The following SPOCK1 variants were observed in gnomAD, a reference collection of about 807,000 sequenced individuals.
SPOCK1 encodes SPARC (osteonectin), cwcv and kazal like domains proteoglycan 1, also known as testican-1.
A neutral mutation model predicts 55.3 loss-of-function variants in SPOCK1; 23 were observed. That is an observed-to-expected ratio of 0.42 (90% confidence interval 0.30 to 0.59). SPOCK1 has a LOEUF of 0.59. Among genes scored for constraint, SPOCK1 ranks in the 20% least tolerant of loss-of-function variants. SPOCK1 has a pLI of 0.22. For synonymous variants in SPOCK1, 226 were observed against 221.0 expected, an observed-to-expected ratio of 1.02 and a Z score of -0.20; for missense variants, 499 against 552.5, an observed-to-expected ratio of 0.90 and a Z score of 0.97.
intron 3 of SPOCK1, among the ~76,000 whole-genome samples, chr5:137,211,664 AGGGTT>A (rs1468914883): frequency 6.6e-6 from 1 of 152,098 alleles, no homozygotes; most frequent in Admixed American, 6.5e-5. Flanking sequence ...GAATGAATAG[AGGGTT>A]GGGACTTTCA....
At chr5:137,222,893 G>A (rs563554718) in intron 3 of SPOCK1, among the ~76,000 whole-genome samples, 1 of 152,106 alleles carries the variant, frequency 6.6e-6, no homozygotes, top group African/African-American at 2.4e-5. Flanking sequence ...AGCACAGATA[G>A]ACAAATAGCA....
At chr5:137,132,174 CAAAA>C (rs762937224) in intron 4 of SPOCK1, among the ~76,000 whole-genome samples, 4 of 59,212 alleles carry the variant, frequency 6.8e-5, no homozygotes, top group South Asian at 7.4e-4. Context: ...GACTCTGTCT[CAAAA>C]AAAAAAAAAA....
At chr5:137,335,359 G>A (rs1282399547) in intron 2 of SPOCK1, among the ~76,000 whole-genome samples, 1 of 152,154 alleles carries the variant, frequency 6.6e-6, no homozygotes, top group Non-Finnish European at 1.5e-5. Context: ...ATAAGAGAAG[G>A]CAATATGCCA....
At chr5:137,245,539 G>A (rs1387075325) in intron 3 of SPOCK1, among the ~76,000 whole-genome samples, 1 of 152,042 alleles carries the variant, frequency 6.6e-6, no homozygotes, top group Non-Finnish European at 1.5e-5. Context: ...AAAATTGAGG[G>A]CAATAAAAGC....
chr5:137,130,632 A>G (rs1753856748), intron 4 of SPOCK1, among the ~76,000 whole-genome samples: 1 of 152,210 alleles, frequency 6.6e-6, no homozygotes, highest in Non-Finnish European at 1.5e-5. Flanking sequence ...TTTGCTGTCT[A>G]CTTGGGAATT....
intron 2 of SPOCK1, among the ~76,000 whole-genome samples, chr5:137,267,738 C>T (rs1756886900): frequency 6.6e-6 from 1 of 152,180 alleles, no homozygotes; most frequent in African/African-American, 2.4e-5. Flanking sequence ...CAATTCTTCA[C>T]AGCTATGTTA....
intron 2 of SPOCK1, among the ~76,000 whole-genome samples, chr5:137,479,435 G>A (rs557492829): frequency 6.6e-6 from 1 of 152,344 alleles, no homozygotes; most frequent in East Asian, 1.9e-4. Context: ...TAGATCCCCA[G>A]AAGGGGATGC....
intron 2 of SPOCK1, among the ~76,000 whole-genome samples, chr5:137,415,752 G>GA (rs1192122185): frequency 2.0e-5 from 3 of 151,930 alleles, no homozygotes; most frequent in Admixed American, 6.6e-5. Flanking sequence ...AGGTTTCTGG[G>GA]AAAAAAAGAG....
intron 3 of SPOCK1, among the ~76,000 whole-genome samples, chr5:137,202,241 G>T (rs973226833): frequency 6.6e-6 from 1 of 152,170 alleles, no homozygotes; most frequent in African/African-American, 2.4e-5. Context: ...TGAATAGAAT[G>T]ATGAAAAGGA....
intron 2 of SPOCK1, among the ~76,000 whole-genome samples, chr5:137,404,832 G>A (rs1752061355): frequency 2.6e-5 from 4 of 152,054 alleles, no homozygotes; most frequent in Admixed American, 2.6e-4. Flanking sequence ...ATGAATCACT[G>A]AAAAACTAGC....
intron 2 of SPOCK1, among the ~76,000 whole-genome samples, chr5:137,451,449 TTTC>T (rs1324208223): frequency 6.6e-6 from 1 of 152,212 alleles, no homozygotes; most frequent in Non-Finnish European, 1.5e-5. Flanking sequence ...GTCACTTCCT[TTTC>T]TTCTTTTTTT....
chr5:137,140,605 C>T lies in SPOCK1; in HGVS notation c.322G>A (p.Val108Ile). The T allele has an allele frequency of 6.2e-7, 1 of 1,613,746 alleles. No individual in the cohort carries two copies. Among genetic ancestry groups the T allele is most frequent in the South Asian group, 1.1e-5 (1 of 90,976 alleles). ...CTGGGGAGCAGGTGCTTGCGGCTGA[C>T]ACACAGGGCGGTCTGGTAGTCCTGG... is the stretch of plus-strand genomic sequence containing the variant. ...VTQDYQTALC[V>I]SRKHLLPRQK... The change falls in exon 4 of 11, where the codon GTC becomes ATC. Residue 108 changes from valine to isoleucine, a missense_variant. By Grantham distance (29) the Val-to-Ile change is conservative. This residue lies in a region of SPOCK1 where 386 missense variants were observed against 400.6 expected (regional missense o/e 0.96). Coordinates refer to ENST00000394945, the MANE Select transcript of SPOCK1 (RefSeq NM_004598.4).
At chr5:137,000,762 G>A (rs572318220) in intron 6 of SPOCK1, among the ~76,000 whole-genome samples, 2 of 152,222 alleles carry the variant, frequency 1.3e-5, no homozygotes, top group South Asian at 4.1e-4. Flanking sequence ...GTAGGCTCTG[G>A]GCTGGGCATG....
intron 4 of SPOCK1, among the ~76,000 whole-genome samples, chr5:137,115,339 CTT>C (rs957308017): frequency 6.6e-6 from 1 of 152,010 alleles, no homozygotes; most frequent in African/African-American, 2.4e-5. Context: ...GAGGAAGTGA[CTT>C]TCCCAGTGTC....
chr5:137,067,713 A>T lies in SPOCK1; in HGVS notation c.589+2T>A. The T allele has an allele frequency of 6.2e-7, 1 of 1,613,402 alleles. No homozygotes were observed. The highest frequency in any genetic ancestry group is 8.5e-7 in the Non-Finnish European group (1 of 1,179,484). On this transcript the variant is annotated splice_donor_variant, in intron 6 of 10. Coordinates refer to ENST00000394945, the MANE Select transcript of SPOCK1 (RefSeq NM_004598.4). LOFTEE classifies it high-confidence loss of function. ...AATTCTCTGAAGGAAACCCTCACTC[A>T]CCACTCCTTTCTGCCTTGTGCTTTG...
chr5:137,342,770 C>A (rs1222999363), intron 2 of SPOCK1, among the ~76,000 whole-genome samples: 3 of 152,166 alleles, frequency 2.0e-5, no homozygotes, highest in Non-Finnish European at 2.9e-5. Flanking sequence ...AGAACCTTGC[C>A]CTTTGGCAAC....
chr5:137,481,797 T>C (rs574131940), intron 2 of SPOCK1, among the ~76,000 whole-genome samples: 1 of 152,342 alleles, frequency 6.6e-6, no homozygotes, highest in Non-Finnish European at 1.5e-5. Flanking sequence ...GCTAAGGCTA[T>C]GACATTACAG....
chr5:137,241,911 T>C (rs1406449145), intron 3 of SPOCK1, among the ~76,000 whole-genome samples: 1 of 152,198 alleles, frequency 6.6e-6, no homozygotes, highest in Non-Finnish European at 1.5e-5. Flanking sequence ...CAGCAGCTCC[T>C]CTTCTGGGAA....
intron 3 of SPOCK1, among the ~76,000 whole-genome samples, chr5:137,225,136 T>C (rs559522922): frequency 1.3e-5 from 2 of 152,138 alleles, no homozygotes; most frequent in African/African-American, 2.4e-5. Flanking sequence ...CAGGTGATCC[T>C]GAAATCGGCC....
Sources: allele counts gnomAD v4.1 joint callset (sites outside exome capture counted in the v4.1 genomes callset), GRCh38; gene constraint gnomAD v4.1.1; regional missense constraint gnomAD v4.1.1; transcripts MANE v1.5; gene names NCBI Gene and HGNC (gene_info 2026-07-23, HGNC 2026-07-21).